Variants in SLC25A48 observed in about 807,000 individuals in gnomAD.
SLC25A48 encodes the protein CTC-321K16.1.
SLC25A48 carries 29 observed loss-of-function variants against 32.2 expected under a neutral mutation model. The observed-to-expected ratio is 0.90, with a 90% confidence interval of 0.67 to 1.23. The LOEUF (loss-of-function observed/expected upper bound fraction) is 1.23. SLC25A48 is among the 50% of genes most tolerant of loss of function. The probability of loss-of-function intolerance (pLI) is 0.00; values close to 1 mark genes in which losing one functional copy is unlikely to be tolerated. For missense variants in SLC25A48, 399 were observed against 422.7 expected, an observed-to-expected ratio of 0.94 and a Z score of 0.49; for synonymous variants, 164 against 172.3, an observed-to-expected ratio of 0.95 and a Z score of 0.38.
intron 3 of SLC25A48, among the ~76,000 whole-genome samples, chr5:135,716,553 GTT>G (rs919988728): frequency 6.6e-6 from 1 of 152,162 alleles, no homozygotes; most frequent in African/African-American, 2.4e-5. Context: ...GTGTGAATGA[GTT>G]TGCCTCTTCT....
intron 3 of SLC25A48, among the ~76,000 whole-genome samples, chr5:135,796,581 A>C (rs1456101675): frequency 2.0e-5 from 3 of 151,276 alleles, no homozygotes; most frequent in Non-Finnish European, 3.0e-5. Context: ...ACAGGGGGAG[A>C]GGGTAATATT....
At position 135,888,594 on chromosome 5, in the gene SLC25A48, C is replaced by T. The variant is rs1762817289; in HGVS notation, c.*570C>T. ...CTGTTGAGTGATTAAATCACATCCT[C>T]AGGTCTGCAGCAAATAAATGAAAGT... On this transcript the variant is annotated 3_prime_UTR_variant, in exon 8 of 8. Coordinates refer to ENST00000681962, the MANE Select transcript of SLC25A48 (RefSeq NM_001349336.2). 6.5e-6 allele frequency: 1 copy of T among 152,992 alleles called. No homozygotes were observed. The allele number at this position is 152,992 out of a possible 1,614,324, so 9.5% of individuals were successfully genotyped here. A position where few individuals can be genotyped will look rare whatever the true frequency, so the allele number is the denominator to read the frequency against.
At chr5:135,790,587 A>G (rs1757001336) in intron 3 of SLC25A48, among the ~76,000 whole-genome samples, 1 of 129,916 alleles carries the variant, frequency 7.7e-6, no homozygotes, top group South Asian at 2.3e-4. Context: ...GGTGTACACC[A>G]TATGTGATGT....
intron 3 of SLC25A48, among the ~76,000 whole-genome samples, chr5:135,769,117 G>A (rs1173029229): frequency 1.3e-5 from 2 of 151,616 alleles, no homozygotes; most frequent in African/African-American, 4.8e-5. Context: ...ATTCAGGCAG[G>A]GGGAAAATGC....
At chr5:135,881,119 T>G (rs1277513093) in intron 7 of SLC25A48, among the ~76,000 whole-genome samples, 1 of 152,242 alleles carries the variant, frequency 6.6e-6, no homozygotes, top group Non-Finnish European at 1.5e-5. Flanking sequence ...TCAGGCCTCC[T>G]CTTCCTCCCT....
chr5:135,607,667 G>A (rs1482084536), intron 1 of SLC25A48, among the ~76,000 whole-genome samples: 2 of 152,226 alleles, frequency 1.3e-5, no homozygotes, highest in Non-Finnish European at 2.9e-5. Context: ...AAGTAAGCCA[G>A]CTGGAAATTG....
chr5:135,798,536 G>C (rs1757242597), intron 3 of SLC25A48, among the ~76,000 whole-genome samples: 1 of 150,906 alleles, frequency 6.6e-6, no homozygotes, highest in Non-Finnish European at 1.5e-5. Context: ...TCTCAATATC[G>C]TGGAGGTTGT....
At chr5:135,675,637 A>T (rs986846141) in intron 3 of SLC25A48, among the ~76,000 whole-genome samples, 4 of 152,046 alleles carry the variant, frequency 2.6e-5, no homozygotes, top group Admixed American at 2.0e-4. Flanking sequence ...AGGTGATGTG[A>T]TGCCTCCAGC....
At chr5:135,676,399 T>C (rs1052398135) in intron 3 of SLC25A48, among the ~76,000 whole-genome samples, 9 of 151,970 alleles carry the variant, frequency 5.9e-5, no homozygotes, top group African/African-American at 2.2e-4. Context: ...TAACTATTGG[T>C]TTATCAATTT....
At chr5:135,651,946 G>T (rs1358073823) in intron 3 of SLC25A48, among the ~76,000 whole-genome samples, 1 of 152,220 alleles carries the variant, frequency 6.6e-6, no homozygotes, top group African/African-American at 2.4e-5. Context: ...GGGCACAAAC[G>T]GTGAAGATAT....
intron 4 of SLC25A48, among the ~76,000 whole-genome samples, chr5:135,861,069 A>G (rs979534269): frequency 6.6e-6 from 1 of 152,230 alleles, no homozygotes; most frequent in Non-Finnish European, 1.5e-5. Flanking sequence ...GTAGAGGTAG[A>G]AAGTGCCCAT....
chr5:135,735,702 T>A (rs575547640), intron 3 of SLC25A48, among the ~76,000 whole-genome samples: 1 of 152,074 alleles, frequency 6.6e-6, no homozygotes, highest in African/African-American at 2.4e-5. Flanking sequence ...CAGTGTGAGA[T>A]TGGGCCAGAG....
At chr5:135,778,694 G>A (rs893728392) in intron 3 of SLC25A48, among the ~76,000 whole-genome samples, 4 of 70,108 alleles carry the variant, frequency 5.7e-5, no homozygotes, top group African/African-American at 1.8e-4. Context: ...ACACCCTTTT[G>A]TAATATTTTT....
intron 3 of SLC25A48, among the ~76,000 whole-genome samples, chr5:135,720,234 C>A (rs1050502789): frequency 6.6e-6 from 1 of 152,222 alleles, no homozygotes; most frequent in African/African-American, 2.4e-5. Flanking sequence ...GGGTCCAGGG[C>A]AGCTGAGGTA....
At chr5:135,669,145 G>C (rs371991013) in intron 3 of SLC25A48, among the ~76,000 whole-genome samples, 1 of 152,132 alleles carries the variant, frequency 6.6e-6, no homozygotes, top group East Asian at 1.9e-4. Flanking sequence ...TAAGAAACAG[G>C]CCATGAGAGG....
intron 4 of SLC25A48, among the ~76,000 whole-genome samples, chr5:135,868,856 C>A (rs572293120): frequency 6.6e-6 from 1 of 152,182 alleles, no homozygotes; most frequent in Non-Finnish European, 1.5e-5. Flanking sequence ...ATCAATAACT[C>A]CTGAAAGCCA....
chr5:135,631,397 G>A (rs1026003317), intron 2 of SLC25A48, among the ~76,000 whole-genome samples: 2 of 152,244 alleles, frequency 1.3e-5, no homozygotes, highest in African/African-American at 2.4e-5. Context: ...AGATATGGAG[G>A]CGGAGCCATG....
chr5:135,840,157 C>T (rs1029151081), intron 1 of SLC25A48, among the ~76,000 whole-genome samples: 2 of 152,148 alleles, frequency 1.3e-5, no homozygotes, highest in South Asian at 2.1e-4. Context: ...GTATTCATCA[C>T]TTTTCCAAAG....
intron 3 of SLC25A48, among the ~76,000 whole-genome samples, chr5:135,735,488 C>T (rs1219991531): frequency 1.3e-5 from 2 of 152,146 alleles, no homozygotes; most frequent in African/African-American, 2.4e-5. Context: ...GCTGAGTTTT[C>T]GTCTTTACCT....
Sources: allele counts gnomAD v4.1 joint callset (sites outside exome capture counted in the v4.1 genomes callset), GRCh38; gene constraint gnomAD v4.1.1; transcripts MANE v1.5; gene names NCBI Gene and HGNC (gene_info 2026-07-23, HGNC 2026-07-21).